Variants in PCDHA2 observed in about 807,000 individuals in gnomAD.
PCDHA2 encodes protocadherin alpha-2.
In PCDHA2, 58 loss-of-function variants were observed where a neutral mutation model predicts 66.0. The observed-to-expected ratio is 0.88, with a 90% CI of 0.71 to 1.09. The LOEUF is 1.09. PCDHA2 is among the 50% of genes least tolerant of loss of function. The pLI, the probability that PCDHA2 is intolerant of heterozygous loss-of-function variation, is 0.00. For missense variants in PCDHA2, 1,267 were observed against 1,242.3 expected (o/e 1.02, Z -0.30); for synonymous variants, 634 against 554.0 (o/e 1.14, Z -2.03).
Position 140,873,289 on chromosome 5 carries a change from C to T in PCDHA2, c.2388+75937C>T, listed in dbSNP as rs542998877. On this transcript the variant is annotated intron_variant, in intron 1 of 3. Transcript: ENST00000526136. ...TTAAACCATCATACCACTTATGAAA[C>T]TTTATAAATATAATAAAGGTGAATA... Among the ~76,000 whole-genome samples, 19 of 152,188 alleles carry T rather than the reference C, an allele frequency of 1.2e-4. No homozygotes were observed. In the South Asian group the frequency reaches 3.7e-3, roughly 30 times the overall value.
rs2150410181 is a variant in PCDHA2 at position 140,848,414 on chromosome 5, C to A, written c.2388+51062C>A. On this transcript the variant is annotated intron_variant, in intron 1 of 3. Transcript: ENST00000526136. ...CTGTGCTGAACGATGGCGAACACAGCAGAATGGGACTGACGAAATCAGATG... is the reference window on the plus strand; with the variant it reads ...CTGTGCTGAACGATGGCGAACACAGAAGAATGGGACTGACGAAATCAGATG... The A allele has an allele frequency of 1.2e-3, 1,716 of 1,381,822 alleles. 109 individuals carry two copies. The African/African-American group carries it at 0.021, about 17-fold the overall frequency. The allele number at this position is 1,381,822 out of a possible 1,614,324, so 85.6% of individuals were successfully genotyped here. A position where few individuals can be genotyped will look rare whatever the true frequency, so the allele number is the denominator to read the frequency against.
chr5:140,877,044 C>G (rs2056811009), intron 1 of PCDHA2: 2 of 1,612,634 alleles, frequency 1.2e-6, no homozygotes, highest in Non-Finnish European at 1.7e-6. Context: ...AGCCGCTAGA[C>G]CACGAGGAGC....
chr5:140,908,904 G>A (rs1467772032), intron 1 of PCDHA2, among the ~76,000 whole-genome samples: 2 of 152,194 alleles, frequency 1.3e-5, no homozygotes, highest in Non-Finnish European at 1.5e-5. Flanking sequence ...AGCCTCTTTC[G>A]TGGTTGTAGG....
At chr5:140,833,468 A>G (rs1554133857) in intron 1 of PCDHA2, among the ~76,000 whole-genome samples, 1 of 152,220 alleles carries the variant, frequency 6.6e-6, no homozygotes, top group African/African-American at 2.4e-5. Context: ...CTTACATTTT[A>G]AAAGAAATAA....
intron 1 of PCDHA2, chr5:140,814,137 A>C (rs1765440922): frequency 6.5e-6 from 1 of 153,288 alleles, no homozygotes; most frequent in Non-Finnish European, 1.5e-5. Flanking sequence ...CAGCTGTACA[A>C]AAATATTTTC....
Position 141,000,581 on chromosome 5 carries a change from C to G in PCDHA2, c.2537-9046C>G, listed in dbSNP as rs960660351. On this transcript the variant is annotated intron_variant, in intron 3 of 3. Transcript: ENST00000526136. ...TAGCTGGGATTACAGGTGCCTGCCA[C>G]CATGCCCAGCTAATTTTTGTATTTT... is the stretch of plus-strand genomic sequence containing the variant. 2.0e-5 allele frequency among the ~76,000 whole-genome samples: 3 copies of G among 150,722 alleles called. No individual in the cohort carries two copies. In the East Asian group the frequency reaches 5.8e-4, roughly 29 times the overall value.
chr5:140,840,808 C>T (rs1554137908), intron 1 of PCDHA2, among the ~76,000 whole-genome samples: 1 of 151,970 alleles, frequency 6.6e-6, no homozygotes, highest in East Asian at 1.9e-4. Context: ...GTAATATATA[C>T]CAGTGTTTCT....
chr5:140,961,465 T>C (rs2095614873), intron 1 of PCDHA2, among the ~76,000 whole-genome samples: 2 of 152,218 alleles, frequency 1.3e-5, no homozygotes, highest in Admixed American at 1.3e-4. Context: ...GCTGCCTTTC[T>C]TTTTTTGTCT....
chr5:140,850,903 G>A (rs2150501679), intron 1 of PCDHA2: 2 of 1,560,976 alleles, frequency 1.3e-6, no homozygotes, highest in Admixed American at 1.9e-5. Flanking sequence ...GGTTTTTCTA[G>A]CATTTTATTT....
chr5:140,952,023 C>T (rs183831358), intron 1 of PCDHA2, among the ~76,000 whole-genome samples: 2 of 152,236 alleles, frequency 1.3e-5, no homozygotes, highest in African/African-American at 2.4e-5. Flanking sequence ...CATGCAAGTC[C>T]GAAATCCAGT....
intron 1 of PCDHA2, among the ~76,000 whole-genome samples, chr5:140,950,372 C>G (rs1369892292): frequency 1.3e-5 from 2 of 151,918 alleles, no homozygotes; most frequent in African/African-American, 4.8e-5. Context: ...ATCTATTTAT[C>G]TTCCATTTGA....
rs782414359 is a variant in PCDHA2 at position 140,802,121 on chromosome 5, A to T, written c.2388+4769A>T. ...GACAAATCAGTGTAAAGGGTAACAT[A>T]GATTTCGAGGAAAGTAAGTCATATG... is the stretch of plus-strand genomic sequence containing the variant. On this transcript the variant is annotated intron_variant, in intron 1 of 3. Transcript: ENST00000526136. 4 of 1,614,250 alleles carry T rather than the reference A, an allele frequency of 2.5e-6. No homozygotes were observed. The East Asian group carries it at 8.9e-5, about 36-fold the overall frequency.
intron 1 of PCDHA2, chr5:140,805,197 G>T: frequency 6.9e-7 from 1 of 1,449,074 alleles, no homozygotes; most frequent in Non-Finnish European, 9.1e-7. Context: ...ATATTGAATA[G>T]CTACCAAATA....
At chr5:140,831,431 C>A (rs1771526531) in intron 1 of PCDHA2, among the ~76,000 whole-genome samples, 1 of 151,698 alleles carries the variant, frequency 6.6e-6, no homozygotes, top group African/African-American at 2.4e-5. Flanking sequence ...GCAATAATGG[C>A]TCACTGCACC....
In PCDHA2 at chr5:140,796,925, A is replaced by T; in HGVS notation, c.1961A>T (p.His654Leu). 1 of 1,613,844 alleles carries T rather than the reference A, an allele frequency of 6.2e-7. No homozygotes were observed. Among genetic ancestry groups the T allele is most frequent in the Non-Finnish European group, 8.5e-7 (1 of 1,179,988 alleles). The change falls in exon 1 of 4, where the codon CAC becomes CTC. Residue 654 changes from histidine to leucine, a missense_variant. By Grantham distance (99) the His-to-Leu change is moderately conservative. Coordinates refer to ENST00000526136, the MANE Select transcript of PCDHA2 (RefSeq NM_018905.3). ...CGCCTACTCGTGCTGGTGAAGGACC[A>T]CGGCGAACCAGCGTTGACAGCCACG... ...RHRLLVLVKD[H>L]GEPALTATAT...
intron 1 of PCDHA2, among the ~76,000 whole-genome samples, chr5:140,972,662 T>A (rs1188844189): frequency 1.5e-4 from 8 of 54,766 alleles, no homozygotes; most frequent in African/African-American, 8.1e-4. Context: ...GAAACCAAAT[T>A]TTTTTTTTTT....
chr5:140,863,264 C>T (rs1432032847), intron 1 of PCDHA2: 3 of 1,454,794 alleles, frequency 2.1e-6, no homozygotes, highest in Non-Finnish European at 1.9e-6. Context: ...GTCCGGGAGG[C>T]AGCGCTGGTG....
intron 1 of PCDHA2, chr5:140,824,165 A>G (rs1554129779): frequency 2.5e-6 from 4 of 1,610,830 alleles, no homozygotes; most frequent in Non-Finnish European, 3.4e-6. Flanking sequence ...TTTCCCTCCC[A>G]ATTTTCAAAT....
At position 140,997,702 on chromosome 5, in the gene PCDHA2, T is replaced by A. The variant is rs548432387; in HGVS notation, c.2537-11925T>A. Reference sequence around the variant, plus strand: ...TGTGTGTGTGTGTGTGTGTGTATGTTAACAAACACCTTTCTACGTCAGTAC... The same window carrying A: ...TGTGTGTGTGTGTGTGTGTGTATGTAAACAAACACCTTTCTACGTCAGTAC... On this transcript the variant is annotated intron_variant, in intron 3 of 3. Coordinates refer to ENST00000526136, the MANE Select transcript of PCDHA2 (RefSeq NM_018905.3). 1.4e-3 allele frequency among the ~76,000 whole-genome samples: 209 copies of A among 150,856 alleles called. 1 individual carries two copies. The highest frequency in any genetic ancestry group is 4.8e-3 in the African/African-American group (199 of 41,058).
Sources: allele counts gnomAD v4.1 joint callset (sites outside exome capture counted in the v4.1 genomes callset), GRCh38; gene constraint gnomAD v4.1.1; transcripts MANE v1.5; gene names NCBI Gene and HGNC (gene_info 2026-07-23, HGNC 2026-07-21).